The following SETD3 variants were observed in gnomAD, a reference collection of about 807,000 sequenced individuals.
SETD3 encodes SET domain containing 3, actin N3(tau)-histidine methyltransferase.
In SETD3, 19 loss-of-function variants were observed where a neutral mutation model predicts 63.0. The ratio of observed to expected loss-of-function variants is 0.30; its 90% CI spans 0.21 to 0.44. The LOEUF is 0.44. Ranked by LOEUF, SETD3 falls within the 20% of genes least tolerant of loss-of-function variation. The pLI is 1.00. For synonymous variants in SETD3, 286 were observed against 264.1 expected, an observed-to-expected ratio of 1.08 and a Z score of -0.80; for missense variants, 587 against 728.5, an observed-to-expected ratio of 0.81 and a Z score of 2.24.
chr14:99,408,529 A>G (rs2139629482), intron 8 of SETD3, among the ~76,000 whole-genome samples: 1 of 152,134 alleles, frequency 6.6e-6, no homozygotes, highest in Middle Eastern at 3.4e-3. Context: ...CAGCAGCACA[A>G]ACAGGAGGGA....
rs1199918102 is a variant in SETD3 at position 99,414,039 on chromosome 14, G to T, written c.676-105C>A. On this transcript the variant is annotated intron_variant, in intron 6 of 12. Transcript: ENST00000331768. ...TTAGCTGCCTAACAGATCCTAACAA[G>T]AGCCAAATGAAGCAGGCGGCGTCCA... 17 of 1,077,226 alleles carry T rather than the reference G, an allele frequency of 1.6e-5. No homozygotes were observed. In the East Asian group the frequency reaches 4.0e-4, roughly 26 times the overall value. 66.7% of individuals were successfully genotyped at this position (1,077,226 alleles called of 1,614,324 possible). A position where few individuals can be genotyped will look rare whatever the true frequency, so the allele number is the denominator to read the frequency against.
chr14:99,414,000 C>A, intron 6 of SETD3, 66 bp from the exon 7 acceptor site: 1 of 1,442,996 alleles, frequency 6.9e-7, no homozygotes, highest in South Asian at 1.1e-5. Context: ...AATCAGTCAG[C>A]AGAATTTCAT....
intron 6 of SETD3, among the ~76,000 whole-genome samples, chr14:99,426,922 C>T (rs1892912757): frequency 6.6e-6 from 1 of 152,190 alleles, no homozygotes; most frequent in Non-Finnish European, 1.5e-5. Context: ...TATTTACCTA[C>T]TCCCCACCTT....
At chr14:99,410,175 T>C (rs1485380936) in intron 8 of SETD3, 5 of 1,611,948 alleles carry the variant, frequency 3.1e-6, no homozygotes, top group Admixed American at 3.3e-5. Context: ...TGGAGGGTCT[T>C]AGGCAGAGGC....
intron 1 of SETD3, among the ~76,000 whole-genome samples, chr14:99,475,464 C>A (rs1895924611): frequency 6.6e-6 from 1 of 152,256 alleles, no homozygotes; most frequent in South Asian, 2.1e-4. Flanking sequence ...GCCAGCAGAG[C>A]TGCACGTTCA....
At chr14:99,450,370 T>C (rs1049183699) in intron 6 of SETD3, among the ~76,000 whole-genome samples, 5 of 152,236 alleles carry the variant, frequency 3.3e-5, no homozygotes, top group Non-Finnish European at 1.5e-5. Context: ...TGTGTAGCTC[T>C]GTCAGAGACA....
chr14:99,462,677 T>C (rs913611678), intron 3 of SETD3, among the ~76,000 whole-genome samples: 8 of 152,332 alleles, frequency 5.3e-5, no homozygotes, highest in African/African-American at 1.9e-4. Context: ...TGAAGGAACC[T>C]GTTTGAAAAC....
chr14:99,402,065 T>C (rs960585865), intron 11 of SETD3, among the ~76,000 whole-genome samples: 5 of 152,158 alleles, frequency 3.3e-5, no homozygotes, highest in African/African-American at 9.7e-5. Flanking sequence ...GCCACCACAG[T>C]GTGTGCTCAC....
intron 6 of SETD3, among the ~76,000 whole-genome samples, chr14:99,438,945 T>C (rs369251106): frequency 3.3e-5 from 5 of 152,230 alleles, no homozygotes; most frequent in African/African-American, 9.6e-5. Context: ...AGAAGAATGA[T>C]TGTACTTAAA....
At chr14:99,453,782 T>C (rs1894599929) in intron 6 of SETD3, among the ~76,000 whole-genome samples, 1 of 151,792 alleles carries the variant, frequency 6.6e-6, no homozygotes, top group African/African-American at 2.4e-5. Context: ...GCCGAGATCA[T>C]GCCACCGCAC....
chr14:99,428,769 C>A (rs1487794298), intron 6 of SETD3, among the ~76,000 whole-genome samples: 1 of 152,142 alleles, frequency 6.6e-6, no homozygotes, highest in South Asian at 2.1e-4. Context: ...TGAGGGTGGC[C>A]TCTAGCAACT....
chr14:99,441,091 A>T (rs1893782935), intron 6 of SETD3, among the ~76,000 whole-genome samples: 1 of 152,224 alleles, frequency 6.6e-6, no homozygotes, highest in Admixed American at 6.5e-5. Context: ...TCATCCCAGT[A>T]GGGGTAAACC....
At chr14:99,427,644 T>C (rs1892955012) in intron 6 of SETD3, among the ~76,000 whole-genome samples, 1 of 152,212 alleles carries the variant, frequency 6.6e-6, no homozygotes, top group Non-Finnish European at 1.5e-5. Context: ...AATCTCATCT[T>C]AAAGCTTCCC....
chr14:99,440,614 T>C (rs1199226820), intron 6 of SETD3, among the ~76,000 whole-genome samples: 1 of 151,528 alleles, frequency 6.6e-6, no homozygotes, highest in Non-Finnish European at 1.5e-5. Flanking sequence ...AACGTGGCAA[T>C]GGGAGCTTGT....
chr14:99,423,164 A>T (rs938215293), intron 6 of SETD3, among the ~76,000 whole-genome samples: 2 of 152,226 alleles, frequency 1.3e-5, no homozygotes, highest in Non-Finnish European at 2.9e-5. Flanking sequence ...GGCCTTTCAG[A>T]GGGAAGTAAC....
chr14:99,407,972 C>T (rs2139628079), intron 8 of SETD3, among the ~76,000 whole-genome samples: 1 of 152,326 alleles, frequency 6.6e-6, no homozygotes, highest in East Asian at 1.9e-4. Flanking sequence ...TTCTCAGAGT[C>T]CTGTCTTTTA....
In SETD3 at chr14:99,470,989, T is replaced by C. The variant is rs944447087; in HGVS notation, c.-8-5176A>G. Among the ~76,000 whole-genome samples the C allele has an allele frequency of 7.7e-4, 118 of 152,286 alleles. 1 individual carries two copies. The highest frequency in any genetic ancestry group is 7.7e-3 in the Admixed American group (118 of 15,294). The stretch of plus-strand genomic sequence containing the variant: ...ACTTCAGCCGAAATGCCCTGACCCC[T>C]TGGTGAGTATATCAGGGTCCTCCAC... On this transcript the variant is annotated intron_variant, in intron 1 of 12. Transcript: ENST00000331768.
chr14:99,417,870 A>G lies in SETD3; in HGVS notation c.676-3936T>C, dbSNP rs139534423. ...TTCCTAAAACAATTCTCAAAAGGCC[A>G]TATTTAACCTAAAGAATCAAAATGC... On this transcript the variant is annotated intron_variant, in intron 6 of 12. Transcript: ENST00000331768. 2.0e-3 allele frequency among the ~76,000 whole-genome samples: 298 copies of G among 152,372 alleles called. 1 individual carries two copies. Among genetic ancestry groups the G allele is most frequent in the African/African-American group, 6.8e-3 (282 of 41,600 alleles).
intron 10 of SETD3, 62 bp downstream of exon 10, chr14:99,405,143 C>A: frequency 1.3e-6 from 2 of 1,554,548 alleles, no homozygotes; most frequent in South Asian, 1.2e-5. Flanking sequence ...CAATTAAACA[C>A]TATGCAACTG....
Sources: allele counts gnomAD v4.1 joint callset (sites outside exome capture counted in the v4.1 genomes callset), GRCh38; gene constraint gnomAD v4.1.1; transcripts MANE v1.5; gene names NCBI Gene and HGNC (gene_info 2026-07-23, HGNC 2026-07-21).